BBX: variants seen among roughly 807,000 people sequenced by gnomAD.
BBX encodes the protein BBX high mobility group box domain containing.
In BBX, 30 loss-of-function variants were observed where a neutral mutation model predicts 100.2. That is an observed-to-expected ratio of 0.30 (90% CI 0.22 to 0.41). The LOEUF (loss-of-function observed/expected upper bound fraction) is 0.41. BBX is among the 10% of genes least tolerant of loss of function. The pLI, the probability that BBX is intolerant of heterozygous loss-of-function variation, is 1.00. For synonymous variants in BBX, 376 were observed against 388.1 expected, an observed-to-expected ratio of 0.97 and a Z score of 0.37; for missense variants, 1,023 against 1,129.8, an observed-to-expected ratio of 0.91 and a Z score of 1.35.
At position 107,778,423 on chromosome 3, in the gene BBX, T is replaced by TA; in HGVS notation, c.2108dup (p.Tyr703Ter). 1 of 1,613,338 alleles carries TA rather than the reference T, an allele frequency of 6.2e-7. No individual in the cohort carries two copies. Among genetic ancestry groups the TA allele is most frequent in the Non-Finnish European group, 8.5e-7 (1 of 1,179,518 alleles). ...FEKKFNSLPQ[Y>*]SPVTFDRKCV... ...AAAAAAATTCAACAGCCTCCCTCAA[T>TA]ATAGTCCTGTTACATTTGACCGGAA... Residue 703 changes from tyrosine (Y) to a stop codon, truncating the protein, a stop_gained and frameshift_variant, in exon 13 of 18, where the codon TAT (tyrosine) becomes TAAT (stop). Transcript: ENST00000325805. LOFTEE classifies it high-confidence loss of function.
chr3:107,687,456 G>A (rs948145852), intron 3 of BBX, among the ~76,000 whole-genome samples: 1 of 151,984 alleles, frequency 6.6e-6, no homozygotes, highest in African/African-American at 2.4e-5. Context: ...ACAGAGAAGC[G>A]GGGAATGCAG....
chr3:107,656,539 T>G (rs1294852146), intron 3 of BBX, among the ~76,000 whole-genome samples: 1 of 152,176 alleles, frequency 6.6e-6, no homozygotes, highest in African/African-American at 2.4e-5. Flanking sequence ...TTTAAAATTA[T>G]TAATATATAT....
chr3:107,590,393 A>G (rs1362901343), intron 2 of BBX, among the ~76,000 whole-genome samples: 1 of 152,212 alleles, frequency 6.6e-6, no homozygotes, highest in Middle Eastern at 3.2e-3. Flanking sequence ...TGTAAAGAAC[A>G]TTGCAAATCT....
At chr3:107,565,153 T>A (rs924696632) in intron 2 of BBX, among the ~76,000 whole-genome samples, 70 of 152,284 alleles carry the variant, frequency 4.6e-4, no homozygotes, top group African/African-American at 1.3e-3. Context: ...TTGATTTTTT[T>A]AAAAAATTGA....
rs1476189602 is a variant in BBX at position 107,809,664 on chromosome 3, A to T, written c.*4207A>T. The T allele has an allele frequency of 1.3e-5, 2 of 152,230 alleles. No individual in the cohort carries two copies. Among genetic ancestry groups the T allele is most frequent in the Non-Finnish European group, 2.9e-5 (2 of 68,048 alleles). The allele number at this position is 152,230 out of a possible 1,614,324, so 9.4% of individuals were successfully genotyped here. A position where few individuals can be genotyped will look rare whatever the true frequency, so the allele number is the denominator to read the frequency against. ...ACAAACTGCCTCCTCCAGAGAGAAC[A>T]ATGTATTGCTGAAAATGGGCAGTAG... On this transcript the variant is annotated 3_prime_UTR_variant, in exon 18 of 18. Transcript: ENST00000325805.
At chr3:107,780,600 T>G (rs1356083657) in intron 13 of BBX, among the ~76,000 whole-genome samples, 2 of 152,054 alleles carry the variant, frequency 1.3e-5, no homozygotes, top group East Asian at 3.9e-4. Context: ...TAATTACATA[T>G]GTGGGAAGTC....
At chr3:107,695,859 G>A (rs1399102459) in intron 3 of BBX, among the ~76,000 whole-genome samples, 6 of 151,772 alleles carry the variant, frequency 4.0e-5, no homozygotes, top group African/African-American at 1.5e-4. Flanking sequence ...CTCAGGACTT[G>A]CTTTATGAAA....
chr3:107,607,858 T>C (rs548129571), intron 2 of BBX, among the ~76,000 whole-genome samples: 1 of 152,344 alleles, frequency 6.6e-6, no homozygotes, highest in African/African-American at 2.4e-5. Flanking sequence ...ATGTCTTCTT[T>C]TGAGAGATGT....
intron 2 of BBX, among the ~76,000 whole-genome samples, chr3:107,546,132 C>T (rs1247595859): frequency 1.3e-5 from 2 of 152,130 alleles, no homozygotes; most frequent in Non-Finnish European, 2.9e-5. Flanking sequence ...CTTCCTAGCT[C>T]GGACTCATTA....
intron 3 of BBX, among the ~76,000 whole-genome samples, chr3:107,701,951 C>G (rs1271201549): frequency 6.6e-6 from 1 of 152,172 alleles, no homozygotes; most frequent in Non-Finnish European, 1.5e-5. Flanking sequence ...TTTATCCCTG[C>G]TCACCATCAT....
chr3:107,798,859 A>G (rs2070066104), intron 16 of BBX, 139 bp downstream of exon 16: 3 of 984,602 alleles, frequency 3.0e-6, no homozygotes, highest in Non-Finnish European at 4.4e-6. Context: ...AACAAAAACA[A>G]AAAAAACCAG....
At chr3:107,592,347 C>T (rs1000569941) in intron 2 of BBX, among the ~76,000 whole-genome samples, 2 of 101,328 alleles carry the variant, frequency 2.0e-5, no homozygotes, top group East Asian at 3.3e-4. Context: ...GGTGATAGAG[C>T]GAGACCCTGT....
intron 16 of BBX, among the ~76,000 whole-genome samples, chr3:107,799,280 C>T (rs2070143587): frequency 1.3e-5 from 2 of 152,146 alleles, no homozygotes; most frequent in Non-Finnish European, 2.9e-5. Context: ...GTTGGACAAG[C>T]TTGCTTTAGA....
chr3:107,611,730 G>T (rs2054862114), intron 2 of BBX, among the ~76,000 whole-genome samples: 1 of 152,010 alleles, frequency 6.6e-6, no homozygotes, highest in African/African-American at 2.4e-5. Context: ...GGTTAAATCT[G>T]CTTGGTGTTA....
chr3:107,798,256 A>G (rs1056961236), intron 15 of BBX, among the ~76,000 whole-genome samples: 1 of 152,214 alleles, frequency 6.6e-6, no homozygotes, highest in East Asian at 1.9e-4. Context: ...TATCGTCCCC[A>G]CCAACGTGCA....
At chr3:107,620,347 G>A (rs975887315) in intron 2 of BBX, among the ~76,000 whole-genome samples, 1 of 152,130 alleles carries the variant, frequency 6.6e-6, no homozygotes, top group Non-Finnish European at 1.5e-5. Context: ...TAAAATCTTT[G>A]TCAGATAATC....
chr3:107,652,089 G>A (rs956557022), intron 3 of BBX, among the ~76,000 whole-genome samples: 1 of 152,112 alleles, frequency 6.6e-6, no homozygotes, highest in Non-Finnish European at 1.5e-5. Flanking sequence ...AGTTTAATTT[G>A]CAGTTCTTTT....
intron 2 of BBX, among the ~76,000 whole-genome samples, chr3:107,580,353 T>TG (rs537569077): frequency 1.6e-3 from 245 of 152,250 alleles, no homozygotes; most frequent in Non-Finnish European, 2.3e-3. Flanking sequence ...AGGTTTTTTT[T>TG]GTTGTGATTT....
intron 3 of BBX, among the ~76,000 whole-genome samples, chr3:107,680,972 C>T (rs998828298): frequency 1.3e-5 from 2 of 151,964 alleles, no homozygotes; most frequent in African/African-American, 4.8e-5. Flanking sequence ...TGCCTCTTTA[C>T]GTGTGTTGTA....
Sources: allele counts gnomAD v4.1 joint callset (sites outside exome capture counted in the v4.1 genomes callset), GRCh38; gene constraint gnomAD v4.1.1; transcripts MANE v1.5; gene names NCBI Gene and HGNC (gene_info 2026-07-23, HGNC 2026-07-21).